BCAM: variants seen among roughly 807,000 people sequenced by gnomAD.
BCAM encodes basal cell adhesion molecule (Lutheran blood group).
Under a neutral mutation model 72.4 loss-of-function variants are expected in BCAM, and 61 were observed. The ratio of observed to expected loss-of-function variants is 0.84; its 90% CI spans 0.69 to 1.04. The LOEUF (loss-of-function observed/expected upper bound fraction) is 1.04. Among genes scored for constraint, BCAM ranks in the 50% least tolerant of loss-of-function variants. The pLI is 0.00. For synonymous variants in BCAM, 408 were observed against 384.2 expected (o/e 1.06, Z -0.73); for missense variants, 909 against 895.0 (o/e 1.02, Z -0.20).
At position 44,814,808 on chromosome 19, in the gene BCAM, T is replaced by A; in HGVS notation, c.1078+48T>A. 6.4e-7 allele frequency: 1 copy of A among 1,566,006 alleles called. No homozygotes were observed. Among genetic ancestry groups the A allele is most frequent in the Non-Finnish European group, 8.6e-7 (1 of 1,156,854 alleles). On this transcript the variant is annotated intron_variant, in intron 8 of 14. Coordinates refer to ENST00000270233, the MANE Select transcript of BCAM (RefSeq NM_005581.5). This position sits in a 1 kb window ranked among gnomAD's most constrained non-coding sequence, Gnocchi z 4.6. ...CGGGCAGGAGGGGCCCTGGCATCAG[T>A]GCCTCTGCGCCCTCCTCCCTACAGC...
chr19:44,809,120 T>A lies in BCAM; in HGVS notation c.-5T>A. The stretch of plus-strand genomic sequence containing the variant: ...CCGGGCTCAGTCTCCGCCGCCGCCG[T>A]GAACATGGAGCCCCCGGACGCACCG... On this transcript the variant is annotated 5_prime_UTR_variant, in exon 1 of 15. Coordinates refer to ENST00000270233, the MANE Select transcript of BCAM (RefSeq NM_005581.5). The A allele has an allele frequency of 7.0e-7, 1 of 1,436,942 alleles. No homozygotes were observed. The highest frequency in any genetic ancestry group is 3.1e-5 in the East Asian group (1 of 32,596). 89.0% of individuals were successfully genotyped at this position (1,436,942 alleles called of 1,614,324 possible).
chr19:44,819,403 G>A lies in BCAM; in HGVS notation c.1531G>A (p.Val511Met). Residue 511 changes from valine to methionine, a missense_variant, in exon 12 of 15, where the codon GTG (valine) becomes ATG (methionine). Transcript: ENST00000270233. ...GWVSSSLTLK[V>M]TSALSRDGIS... is the part of the protein sequence containing the mutation. ...GGTGAGCAGCTCTCTGACCCTGAAA[G>A]TGACCAGCGCCCTGAGCCGCGATGG... is the stretch of plus-strand genomic sequence containing the variant. 1 of 1,614,078 alleles carries A rather than the reference G, an allele frequency of 6.2e-7. No individual in the cohort carries two copies. Among genetic ancestry groups the A allele is most frequent in the South Asian group, 1.1e-5 (1 of 91,088 alleles).
In BCAM at chr19:44,813,421, C is replaced by T; in HGVS notation, c.602-17C>T. ...GCTATGGCCTGGCTGACTGCCACCT[C>T]CCCCGATCTCTCCCAGAGGGCTACA... is the stretch of plus-strand genomic sequence containing the variant. On this transcript the variant is annotated splice_polypyrimidine_tract_variant and intron_variant, in intron 5 of 14. Transcript: ENST00000270233. The surrounding 1 kb of genome is among the most constrained non-coding windows in gnomAD (Gnocchi z 4.2). 2 of 1,608,030 alleles carry T rather than the reference C, an allele frequency of 1.2e-6. No individual in the cohort carries two copies. The highest frequency in any genetic ancestry group is 1.7e-6 in the Non-Finnish European group (2 of 1,177,292).
intron 10 of BCAM, 53 bp from the exon 11 acceptor site, chr19:44,819,002 CT>C: frequency 1.2e-6 from 2 of 1,605,482 alleles, no homozygotes; most frequent in South Asian, 1.1e-5. Context: ...CGATGCCTCT[CT>C]TCTCTCTCTC....
chr19:44,818,485 C>A lies in BCAM; in HGVS notation c.1079-37C>A. On this transcript the variant is annotated intron_variant, in intron 8 of 14. Transcript: ENST00000270233. The surrounding 1 kb of genome is among the most constrained non-coding windows in gnomAD (Gnocchi z 4.6). ...GGAGAGCCCCTAATTGAGTGGGTGG[C>A]GGTCTGGGACGAGTGACAGACTGTC... The A allele has an allele frequency of 1.3e-6, 2 of 1,577,462 alleles. No individual in the cohort carries two copies. The highest frequency in any genetic ancestry group is 1.1e-5 in the South Asian group (1 of 89,174).
chr19:44,811,469 T>C (rs1395880693), intron 2 of BCAM, 123 bp downstream of exon 2: 1 of 1,506,848 alleles, frequency 6.6e-7, no homozygotes, highest in East Asian at 2.3e-5. Flanking sequence ...ACAGATGGGG[T>C]CACTGAGTCC....
intron 1 of BCAM, among the ~76,000 whole-genome samples, chr19:44,810,625 G>A (rs1968405607): frequency 6.6e-6 from 1 of 152,222 alleles, no homozygotes; most frequent in Non-Finnish European, 1.5e-5. Context: ...TGGAGACCAG[G>A]ATGGAGAGAA....
In BCAM at chr19:44,814,636, C is replaced by G. The variant is rs753313618; in HGVS notation, c.954C>G (p.Leu318=). The change falls in exon 8 of 15, where the codon CTC becomes CTG. Residue 318 remains leucine, a synonymous_variant. Coordinates refer to ENST00000270233, the MANE Select transcript of BCAM (RefSeq NM_005581.5). This position sits in a 1 kb window ranked among gnomAD's most constrained non-coding sequence, Gnocchi z 4.6. ...AGGAGGAAGTGCTGAATGTGAATCT[C>G]GAGGGGAACTTGACCCTGGAGGGAG... ...DEQEEVLNVN[L]EGNLTLEGVT... 1.6e-5 allele frequency: 26 copies of G among 1,613,946 alleles called. No homozygotes were observed. The highest frequency in any genetic ancestry group is 4.4e-5 in the South Asian group (4 of 91,066).
In BCAM at chr19:44,819,608, G is replaced by T. The variant is rs765240970; in HGVS notation, c.1645G>T (p.Val549Leu). 5 of 1,613,488 alleles carry T rather than the reference G, an allele frequency of 3.1e-6. No homozygotes were observed. The highest frequency in any genetic ancestry group is 4.2e-6 in the Non-Finnish European group (5 of 1,179,684). The part of the protein sequence containing the change: ...TVSPQTSQAG[V>L]AVMAVAVSVG... ...GAGCCCCCAGACCTCCCAGGCTGGA[G>T]TGGCCGTCATGGCCGTGGCCGTCAG... Residue 549 changes from valine to leucine, a missense_variant, in exon 13 of 15, where the codon GTG (valine) becomes TTG (leucine). Val to Leu is a conservative substitution (Grantham distance 32). Transcript: ENST00000270233.
At chr19:44,811,138 A>T (rs28399651) in intron 1 of BCAM, 87 bp from the exon 2 acceptor site, 18,448 of 1,593,378 alleles carry the variant, frequency 0.012, 140 homozygotes, top group Non-Finnish European at 0.014. Context: ...TGGGACCTGG[A>T]CGCTTGTGTC....
In BCAM at chr19:44,819,166, C is replaced by A. The variant is rs769406228; in HGVS notation, c.1447C>A (p.Leu483Ile). The change falls in exon 11 of 15, where the codon CTC becomes ATC. Residue 483 changes from leucine to isoleucine, a missense_variant. Leu to Ile is a conservative substitution (Grantham distance 5). Transcript: ENST00000270233. Reference protein sequence around the residue: ...CSARGHPDPKLSWSQLGGSPA... With the variant: ...CSARGHPDPKISWSQLGGSPA... ...TGCCCGCGGCCATCCAGACCCCAAA[C>A]TCAGCTGGAGCCAATTGGGGGGCAG... 6.2e-7 allele frequency: 1 copy of A among 1,614,100 alleles called. No individual in the cohort carries two copies. Among genetic ancestry groups the A allele is most frequent in the Non-Finnish European group, 8.5e-7 (1 of 1,179,978 alleles).
chr19:44,814,908 G>GTTTTTTTT lies in BCAM; in HGVS notation c.1078+160_1078+167dup. On this transcript the variant is annotated intron_variant, in intron 8 of 14. Transcript: ENST00000270233. This position sits in a 1 kb window ranked among gnomAD's most constrained non-coding sequence, Gnocchi z 4.6. ...GCATTTCTTGGGGGTTTTTTTGGTT[G>GTTTTTTTT]TTTTTTTTTTTTTTTTTTTCCCAGA... is the stretch of plus-strand genomic sequence containing the variant. 3.9e-6 allele frequency: 2 copies of GTTTTTTTT among 518,384 alleles called. No homozygotes were observed. The highest frequency in any genetic ancestry group is 5.6e-6 in the Non-Finnish European group (2 of 357,442). 32.1% of individuals were successfully genotyped at this position (518,384 alleles called of 1,614,324 possible). A position where few individuals can be genotyped will look rare whatever the true frequency, so the allele number is the denominator to read the frequency against.
chr19:44,813,404 C>A lies in BCAM; in HGVS notation c.602-34C>A. 1 of 1,608,050 alleles carries A rather than the reference C, an allele frequency of 6.2e-7. No homozygotes were observed. Among genetic ancestry groups the A allele is most frequent in the Non-Finnish European group, 8.5e-7 (1 of 1,176,940 alleles). ...CTGGGGTGGGTGGCGGGGCTATGGC[C>A]TGGCTGACTGCCACCTCCCCCGATC... On this transcript the variant is annotated intron_variant, in intron 5 of 14. Coordinates refer to ENST00000270233, the MANE Select transcript of BCAM (RefSeq NM_005581.5). This position sits in a 1 kb window ranked among gnomAD's most constrained non-coding sequence, Gnocchi z 4.2.
Position 44,809,189 on chromosome 19 carries a change from T to C in BCAM, c.65T>C (p.Leu22Pro). 1 of 1,475,690 alleles carries C rather than the reference T, an allele frequency of 6.8e-7. No individual in the cohort carries two copies. Among genetic ancestry groups the C allele is most frequent in the Non-Finnish European group, 9.0e-7 (1 of 1,115,018 alleles). The allele number at this position is 1,475,690 out of a possible 1,614,324, so 91.4% of individuals were successfully genotyped here. A position where few individuals can be genotyped will look rare whatever the true frequency, so the allele number is the denominator to read the frequency against. ...CCGCGGCTGCTGTTGCTCGCAGTCCTGCTGGCGGCGCACCCAGGTATGGCT... is the reference window on the plus strand; with the variant it reads ...CCGCGGCTGCTGTTGCTCGCAGTCCCGCTGGCGGCGCACCCAGGTATGGCT... ...GAPRLLLLAV[L>P]LAAHPDAQAE... Residue 22 changes from leucine (L) to proline (P), a missense_variant, in exon 1 of 15, where the codon CTG (leucine) becomes CCG (proline). Transcript: ENST00000270233.
Position 44,813,217 on chromosome 19 carries a change from C to T in BCAM, c.505-33C>T. The T allele has an allele frequency of 3.1e-6, 5 of 1,610,936 alleles. No homozygotes were observed. The highest frequency in any genetic ancestry group is 4.2e-6 in the Non-Finnish European group (5 of 1,178,322). ...GAGCCCCGACTTCAGAGTCCCAGCT[C>T]CAAGCCCAGGGCCATGCCCGTGTCT... On this transcript the variant is annotated intron_variant, in intron 4 of 14. Coordinates refer to ENST00000270233, the MANE Select transcript of BCAM (RefSeq NM_005581.5). The surrounding 1 kb of genome is among the most constrained non-coding windows in gnomAD (Gnocchi z 4.2).
At chr19:44,819,561 C>T in intron 12 of BCAM, 21 bp from the exon 13 acceptor site, 1 of 1,612,040 alleles carries the variant, frequency 6.2e-7, no homozygotes, top group African/African-American at 1.3e-5. Context: ...ACCCACGCCT[C>T]TCTCCATCCT....
Position 44,813,278 on chromosome 19 carries a change from A to T in BCAM, c.533A>T (p.Asn178Ile). The change falls in exon 5 of 15, where the codon AAC becomes ATC. Residue 178 changes from asparagine to isoleucine, a missense_variant. Transcript: ENST00000270233. The surrounding 1 kb of genome is among the most constrained non-coding windows in gnomAD (Gnocchi z 4.2). ...GCCACCTGCAACAGCCGGAACGGGA[A>T]CCCGGCCCCCAAGATCACGTGGTAT... ...EIATCNSRNG[N>I]PAPKITWYRN... 6.2e-7 allele frequency: 1 copy of T among 1,614,116 alleles called. No homozygotes were observed. The highest frequency in any genetic ancestry group is 8.5e-7 in the Non-Finnish European group (1 of 1,180,022).
In BCAM at chr19:44,814,119, A is replaced by C; in HGVS notation, c.785-33A>C. 1 of 1,554,450 alleles carries C rather than the reference A, an allele frequency of 6.4e-7. No individual in the cohort carries two copies. Among genetic ancestry groups the C allele is most frequent in the South Asian group, 1.2e-5 (1 of 83,996 alleles). ...TCCTCTAGCCTTGACCCTTCCCCTG[A>C]TCACAATTCCCATCTCCCTGCCCTT... is the stretch of plus-strand genomic sequence containing the variant. On this transcript the variant is annotated intron_variant, in intron 6 of 14. Transcript: ENST00000270233. This position sits in a 1 kb window ranked among gnomAD's most constrained non-coding sequence, Gnocchi z 4.6.
At chr19:44,820,348 G>T in intron 13 of BCAM, 1 of 1,072,248 alleles carries the variant, frequency 9.3e-7, no homozygotes, top group Non-Finnish European at 1.1e-6. Context: ...CCCCATTCCT[G>T]ACTCCAAATC....
Sources: gnomAD v4.1 joint callset for allele counts (sites outside exome capture counted in the v4.1 genomes callset) on GRCh38, gnomAD v4.1.1 for gene constraint, Gnocchi (gnomAD v3.1) non-coding constraint, MANE v1.5 for transcripts, NCBI Gene and HGNC (gene_info 2026-07-23, HGNC 2026-07-21) for gene names.